Variants in TSNARE1 observed in about 807,000 individuals in gnomAD.
TSNARE1 encodes t-SNARE domain-containing protein 1.
Under a neutral mutation model 62.0 loss-of-function variants are expected in TSNARE1, and 49 were observed. The ratio of observed to expected loss-of-function variants is 0.79; its 90% confidence interval spans 0.63 to 1.00. TSNARE1 has a LOEUF of 1.00. Ranked by LOEUF, TSNARE1 falls within the 50% of genes least tolerant of loss-of-function variation. The probability of loss-of-function intolerance (pLI) is 0.00; values close to 1 mark genes in which losing one functional copy is unlikely to be tolerated. For missense variants in TSNARE1, 755 were observed against 700.1 expected, an observed-to-expected ratio of 1.08 and a Z score of -0.88; for synonymous variants, 328 against 294.4, an observed-to-expected ratio of 1.11 and a Z score of -1.17.
At chr8:142,363,181 C>A (rs915819664) in intron 1 of TSNARE1, among the ~76,000 whole-genome samples, 7 of 152,146 alleles carry the variant, frequency 4.6e-5, no homozygotes, top group African/African-American at 1.7e-4. Flanking sequence ...GATGGCCCTA[C>A]GGGTAGAGCC....
intron 12 of TSNARE1, among the ~76,000 whole-genome samples, chr8:142,257,579 C>T (rs572504716): frequency 1.2e-4 from 19 of 152,258 alleles, no homozygotes; most frequent in East Asian, 3.9e-4. Flanking sequence ...GCTCCCCTGC[C>T]GCTGCAGGGG....
At chr8:142,320,222 C>A (rs961083505) in intron 6 of TSNARE1, among the ~76,000 whole-genome samples, 2 of 152,204 alleles carry the variant, frequency 1.3e-5, no homozygotes, top group African/African-American at 4.8e-5. Flanking sequence ...TCTTGCCAGT[C>A]CAAACCTCAG....
At chr8:142,259,824 T>A (rs1410321119) in intron 12 of TSNARE1, among the ~76,000 whole-genome samples, 1 of 152,170 alleles carries the variant, frequency 6.6e-6, no homozygotes, top group Non-Finnish European at 1.5e-5. Context: ...ACTAAGGGGT[T>A]CTGGAAGGAG....
At chr8:142,221,209 C>T (rs1002462979) in intron 13 of TSNARE1, among the ~76,000 whole-genome samples, 2 of 152,178 alleles carry the variant, frequency 1.3e-5, no homozygotes, top group Non-Finnish European at 1.5e-5. Flanking sequence ...TGAGAGAATG[C>T]CCATTAAAGC....
intron 13 of TSNARE1, among the ~76,000 whole-genome samples, chr8:142,212,539 C>A: frequency 6.6e-6 from 1 of 152,198 alleles, no homozygotes; most frequent in Middle Eastern, 3.4e-3. Flanking sequence ...CCCATCCCCA[C>A]GCTCAGCACC....
At chr8:142,387,744 C>T (rs146166404) in intron 1 of TSNARE1, among the ~76,000 whole-genome samples, 249 of 152,192 alleles carry the variant, frequency 1.6e-3, no homozygotes, top group African/African-American at 5.6e-3. Flanking sequence ...AAGACAAAAT[C>T]ATAAAAGAAC....
intron 1 of TSNARE1, among the ~76,000 whole-genome samples, chr8:142,380,749 C>T (rs1836680171): frequency 6.6e-6 from 1 of 152,166 alleles, no homozygotes; most frequent in Admixed American, 6.5e-5. Flanking sequence ...GAAAACGCTC[C>T]AGGAAAGTCT....
chr8:142,344,111 G>C lies in TSNARE1; in HGVS notation c.600C>G (p.Gly200=). The part of the protein sequence containing the change: ...DLRAVVRRKL[G]DLRKAAHGPS... ...GGCCATGGGCCGCCTTCCGGAGGTC[G>C]CCCAGCTTGCGCCGCACGACGGCTC... Residue 200 remains glycine (G), a synonymous_variant, in exon 4 of 14, where the codon GGC becomes GGG. Transcript: ENST00000524325. 6.2e-7 allele frequency: 1 copy of C among 1,611,140 alleles called. No homozygotes were observed. The highest frequency in any genetic ancestry group is 8.5e-7 in the Non-Finnish European group (1 of 1,178,674).
intron 13 of TSNARE1, among the ~76,000 whole-genome samples, chr8:142,214,449 G>C (rs916560230): frequency 7.9e-5 from 12 of 152,116 alleles, no homozygotes; most frequent in African/African-American, 2.7e-4. Flanking sequence ...TGGATCCCTC[G>C]GGATAGTTCT....
intron 1 of TSNARE1, among the ~76,000 whole-genome samples, chr8:142,358,264 T>C (rs1834901444): frequency 8.4e-6 from 1 of 118,704 alleles, no homozygotes; most frequent in Non-Finnish European, 1.6e-5. Context: ...CGGGGTCTGC[T>C]GGGTTTCAGG....
chr8:142,322,725 C>T (rs1829644778), intron 6 of TSNARE1, among the ~76,000 whole-genome samples: 2 of 152,038 alleles, frequency 1.3e-5, no homozygotes, highest in African/African-American at 4.8e-5. Context: ...TGCCTGTGGG[C>T]TGGGCGACGA....
At chr8:142,376,894 G>A (rs911144371) in intron 1 of TSNARE1, among the ~76,000 whole-genome samples, 1 of 152,256 alleles carries the variant, frequency 6.6e-6, no homozygotes. Flanking sequence ...CTGATCAGCA[G>A]AACCTGGGCA....
intron 1 of TSNARE1, chr8:142,366,022 A>C: frequency 2.6e-6 from 1 of 388,830 alleles, no homozygotes; most frequent in South Asian, 1.8e-5. Flanking sequence ...AGGACACTGA[A>C]AATGAAGGAT....
At chr8:142,257,949 TCACACA>T (rs757057470) in intron 12 of TSNARE1, among the ~76,000 whole-genome samples, 1 of 151,242 alleles carries the variant, frequency 6.6e-6, no homozygotes, top group Admixed American at 6.6e-5. Flanking sequence ...ACACCCAAGC[TCACACA>T]CACACACACC....
chr8:142,257,931 C>T (rs557424567), intron 12 of TSNARE1, among the ~76,000 whole-genome samples: 5 of 152,122 alleles, frequency 3.3e-5, no homozygotes, highest in Non-Finnish European at 7.4e-5. Flanking sequence ...AGCACGCATA[C>T]GCACACAACA....
Position 142,298,059 on chromosome 8 carries a change from G to A in TSNARE1, c.1290+2427C>T, listed in dbSNP as rs189362403. Reference sequence around the variant, plus strand: ...CCAGCCCCCCTGCTACCCCCCGTCCGCACAGTGCTGAGCTGTGAGGGTCCC... The same window carrying A: ...CCAGCCCCCCTGCTACCCCCCGTCCACACAGTGCTGAGCTGTGAGGGTCCC... On this transcript the variant is annotated intron_variant, in intron 10 of 13. Coordinates refer to ENST00000524325, the MANE Select transcript of TSNARE1 (RefSeq NM_145003.5). Among the ~76,000 whole-genome samples the A allele has an allele frequency of 9.9e-4, 151 of 152,268 alleles. 1 individual carries two copies. In the East Asian group the frequency reaches 0.02, roughly 21 times the overall value.
chr8:142,276,949 C>T (rs1820595268), intron 11 of TSNARE1: 2 of 985,360 alleles, frequency 2.0e-6, no homozygotes, highest in African/African-American at 3.5e-5. Flanking sequence ...CCATGTCCTG[C>T]CCCGGCGCAG....
intron 9 of TSNARE1, among the ~76,000 whole-genome samples, chr8:142,313,875 T>C (rs1205604978): frequency 6.6e-6 from 1 of 152,176 alleles, no homozygotes; most frequent in Admixed American, 6.5e-5. Flanking sequence ...GCCTCCTGGA[T>C]TCAAGCAATT....
intron 12 of TSNARE1, among the ~76,000 whole-genome samples, chr8:142,230,613 G>A (rs1817056395): frequency 6.6e-6 from 1 of 152,140 alleles, no homozygotes; most frequent in Non-Finnish European, 1.5e-5. Context: ...GGGTAAGATG[G>A]AACAGAGTCA....
Sources: gnomAD v4.1 joint callset for allele counts (sites outside exome capture counted in the v4.1 genomes callset) on GRCh38, gnomAD v4.1.1 for gene constraint, MANE v1.5 for transcripts, NCBI Gene and HGNC (gene_info 2026-07-23, HGNC 2026-07-21) for gene names.